The following NPRL3 variants were observed in gnomAD, a reference collection of about 807,000 sequenced individuals.
NPRL3 encodes GATOR1 complex protein NPRL3.
Under a neutral mutation model 57.2 loss-of-function variants are expected in NPRL3, and 23 were observed. That is an observed-to-expected ratio of 0.40 (90% CI 0.29 to 0.57). The LOEUF (loss-of-function observed/expected upper bound fraction) is 0.57, where lower values mean the gene tolerates loss of function less well. Ranked by LOEUF, NPRL3 falls within the 20% of genes least tolerant of loss-of-function variation. The probability of loss-of-function intolerance (pLI) is 0.42; values close to 1 mark genes in which losing one functional copy is unlikely to be tolerated. For missense variants in NPRL3, 691 were observed against 767.1 expected (o/e 0.90, Z 1.17); for synonymous variants, 333 against 321.1 (o/e 1.04, Z -0.39).
Position 85,694 on chromosome 16 carries a change from CG to C in NPRL3, c.*1010del. On this transcript the variant is annotated 3_prime_UTR_variant, in exon 14 of 14. Transcript: ENST00000611875. ...CGTCGGCCATGCAGGGGAGTGGGCC[CG>C]GAAACCCCTCCGCTTCTATGTCCGG... is the stretch of plus-strand genomic sequence containing the variant. 6.5e-7 allele frequency: 1 copy of C among 1,547,754 alleles called. No homozygotes were observed. Among genetic ancestry groups the C allele is most frequent in the Non-Finnish European group, 8.7e-7 (1 of 1,144,280 alleles).
At chr16:96,258 G>C (rs1057022673) in intron 9 of NPRL3, among the ~76,000 whole-genome samples, 1 of 152,172 alleles carries the variant, frequency 6.6e-6, no homozygotes, top group Admixed American at 6.5e-5. Flanking sequence ...AGGATGAGAG[G>C]CACAGTGTCC....
chr16:92,074 T>G (rs1898784946), intron 11 of NPRL3, among the ~76,000 whole-genome samples: 1 of 152,280 alleles, frequency 6.6e-6, no homozygotes, highest in East Asian at 1.9e-4. Flanking sequence ...TAGGGTCCTC[T>G]CTAGGCTCTC....
At chr16:118,111 G>A (rs114394213) in intron 4 of NPRL3, among the ~76,000 whole-genome samples, 1 of 152,202 alleles carries the variant, frequency 6.6e-6, no homozygotes, top group Non-Finnish European at 1.5e-5. Flanking sequence ...CGGTACAGGG[G>A]ACCAGGCTCA....
At chr16:119,074 G>C (rs1900172815) in intron 4 of NPRL3, 52 bp downstream of exon 4, 1 of 1,607,334 alleles carries the variant, frequency 6.2e-7, no homozygotes, top group Non-Finnish European at 8.5e-7. Context: ...ACCTGCCCAA[G>C]GAGAGCCACA....
At chr16:117,231 C>T (rs535426716) in intron 5 of NPRL3, 70 bp downstream of exon 5, 96 of 1,112,646 alleles carry the variant, frequency 8.6e-5, no homozygotes, top group Middle Eastern at 2.0e-4. Context: ...ATGACACGCT[C>T]GTTGGAAAAA....
intron 4 of NPRL3, among the ~76,000 whole-genome samples, chr16:118,673 T>G (rs1900148789): frequency 6.6e-6 from 1 of 152,222 alleles, no homozygotes; most frequent in Non-Finnish European, 1.5e-5. Flanking sequence ...TCTGGGTTTA[T>G]GAAGATGCAC....
At position 92,709 on chromosome 16, in the gene NPRL3, C is replaced by T. The variant is rs761443880; in HGVS notation, c.1048G>A (p.Glu350Lys). ...ASVCLYSPLAEQFSHQFPSHD... is the reference protein window; with the variant it reads ...ASVCLYSPLAKQFSHQFPSHD... Reference sequence around the variant, plus strand: ...GATGGGAACTGGTGGGAGAACTGCTCGGCCAGCGGGGAGTACCTGCAGGCA... The same window carrying T: ...GATGGGAACTGGTGGGAGAACTGCTTGGCCAGCGGGGAGTACCTGCAGGCA... The change falls in exon 11 of 14, where the codon GAG (glutamate) becomes AAG (lysine). Residue 350 changes from glutamate to lysine, a missense_variant. Coordinates refer to ENST00000611875, the MANE Select transcript of NPRL3 (RefSeq NM_001077350.3). 14 of 1,613,494 alleles carry T rather than the reference C, an allele frequency of 8.7e-6. No homozygotes were observed. In the Middle Eastern group the frequency reaches 4.9e-4, roughly 57 times the overall value.
chr16:136,228 G>A (rs572276830), intron 2 of NPRL3, among the ~76,000 whole-genome samples: 5 of 152,336 alleles, frequency 3.3e-5, no homozygotes, highest in South Asian at 4.1e-4. Flanking sequence ...AAAAGGACAC[G>A]ATAAACAAAT....
rs2857995 is a variant in NPRL3, at chr16:138,336, T to G, written c.-67-2A>C. On this transcript the variant is annotated splice_acceptor_variant, in intron 1 of 13. Transcript: ENST00000611875. LOFTEE classifies it low-confidence loss of function (5UTR_SPLICE). ...GACGGAGCCGGAGGCGGAGGGGGCC[T>G]GAGGAGGACGGAGCCGGAGGCGGAG... is the stretch of plus-strand genomic sequence containing the variant. 1.8e-6 allele frequency: 1 copy of G among 551,896 alleles called. No individual in the cohort carries two copies. The allele number at this position is 551,896 out of a possible 1,614,324, so 34.2% of individuals were successfully genotyped here.
At position 120,710 on chromosome 16, in the gene NPRL3, T is replaced by C. The variant is rs574943136; in HGVS notation, c.189-1455A>G. On this transcript the variant is annotated intron_variant, in intron 3 of 13. Transcript: ENST00000611875. ...GAAATCAATCTTGTTAGAGTTATCCTGGGAAACGCAGGACCCACAGCCAAG... is the reference window on the plus strand; with the variant it reads ...GAAATCAATCTTGTTAGAGTTATCCCGGGAAACGCAGGACCCACAGCCAAG... 5.9e-5 allele frequency among the ~76,000 whole-genome samples: 9 copies of C among 152,282 alleles called. No homozygotes were observed. In the South Asian group the frequency reaches 1.2e-3, roughly 21 times the overall value.
chr16:135,896 C>G (rs1901052451), intron 2 of NPRL3, among the ~76,000 whole-genome samples: 1 of 152,074 alleles, frequency 6.6e-6, no homozygotes, highest in African/African-American at 2.4e-5. Flanking sequence ...CCCAAGAGAA[C>G]ATTAGGCAAA....
intron 3 of NPRL3, among the ~76,000 whole-genome samples, chr16:122,467 G>A (rs926417894): frequency 6.6e-6 from 1 of 152,194 alleles, no homozygotes; most frequent in African/African-American, 2.4e-5. Context: ...CATGAGATTG[G>A]GGGTGGGGCA....
intron 3 of NPRL3, among the ~76,000 whole-genome samples, chr16:124,386 A>G (rs1257233963): frequency 2.0e-5 from 3 of 151,346 alleles, no homozygotes; most frequent in Non-Finnish European, 2.9e-5. Flanking sequence ...TCTTCAAAAG[A>G]GACAGGGTCT....
intron 9 of NPRL3, among the ~76,000 whole-genome samples, chr16:96,388 G>A (rs952433483): frequency 3.3e-5 from 5 of 152,266 alleles, no homozygotes; most frequent in African/African-American, 4.8e-5. Flanking sequence ...ATCAGGACAC[G>A]GAGGGTCACT....
chr16:109,444 T>G (rs567073088), intron 7 of NPRL3, among the ~76,000 whole-genome samples: 21 of 152,276 alleles, frequency 1.4e-4, no homozygotes, highest in Non-Finnish European at 2.8e-4. Context: ...CAATTTCCTC[T>G]TGAGTGACTG....
chr16:132,004 CTTTCTTTT>C (rs1224732822), intron 2 of NPRL3, among the ~76,000 whole-genome samples: 6 of 123,002 alleles, frequency 4.9e-5, no homozygotes, highest in Admixed American at 2.7e-4. Context: ...TACTTTCTTT[CTTTCTTTT>C]TTTTTTTTTT....
Position 85,473 on chromosome 16 carries a change from G to A in NPRL3, c.*1232C>T. 1 of 1,613,104 alleles carries A rather than the reference G, an allele frequency of 6.2e-7. No homozygotes were observed. The highest frequency in any genetic ancestry group is 8.5e-7 in the Non-Finnish European group (1 of 1,180,024). ...CTGGAGACCATGCGTCAGCTTCGCA[G>A]CACCCTCCGGAAAGGCACCGCCAGC... is the stretch of plus-strand genomic sequence containing the variant. On this transcript the variant is annotated 3_prime_UTR_variant, in exon 14 of 14. Transcript: ENST00000611875.
chr16:116,790 C>A (rs1048401388), intron 5 of NPRL3, among the ~76,000 whole-genome samples: 1 of 141,426 alleles, frequency 7.1e-6, no homozygotes. Context: ...TGGCGAGACC[C>A]CCCCCCCCCA....
intron 2 of NPRL3, among the ~76,000 whole-genome samples, chr16:134,694 A>ATTATTATTATTATTATTTTTT (rs1346965930): frequency 9.7e-6 from 1 of 103,412 alleles, no homozygotes; most frequent in African/African-American, 3.4e-5. Context: ...AATTATTATT[A>ATTATTATTATTATTATTTTTT]TTTTTTTTTT....
Sources: allele counts gnomAD v4.1 joint callset (sites outside exome capture counted in the v4.1 genomes callset), GRCh38; gene constraint gnomAD v4.1.1; transcripts MANE v1.5; gene names NCBI Gene and HGNC (gene_info 2026-07-23, HGNC 2026-07-21).